PDE11A: variants seen among roughly 807,000 people sequenced by gnomAD.
PDE11A encodes the protein dual 3',5'-cyclic-AMP and -GMP phosphodiesterase 11A.
A neutral mutation model predicts 100.5 loss-of-function variants in PDE11A; 100 were observed. That is an observed-to-expected ratio of 1.00 (90% CI 0.85 to 1.18). The LOEUF (loss-of-function observed/expected upper bound fraction) is 1.18, where lower values mean the gene tolerates loss of function less well. Ranked by LOEUF, PDE11A falls within the 50% of genes most tolerant of loss-of-function variation. The pLI is 0.00. For missense variants in PDE11A, 1,141 were observed against 1,152.6 expected (o/e 0.99, Z 0.15); for synonymous variants, 381 against 420.8 (o/e 0.91, Z 1.16).
At chr2:178,095,000 C>T (rs1003546685) in intron 2 of PDE11A, among the ~76,000 whole-genome samples, 2 of 152,146 alleles carry the variant, frequency 1.3e-5, no homozygotes, top group South Asian at 2.1e-4. Context: ...GATTGCAATT[C>T]GAGATGAGAT....
At chr2:177,931,044 T>C (rs2085198833) in intron 2 of PDE11A, among the ~76,000 whole-genome samples, 1 of 152,194 alleles carries the variant, frequency 6.6e-6, no homozygotes. Flanking sequence ...GAACATCTTT[T>C]TGTTATTTTT....
chr2:177,749,885 A>C (rs2082003629), intron 10 of PDE11A, among the ~76,000 whole-genome samples: 1 of 152,222 alleles, frequency 6.6e-6, no homozygotes. Context: ...GGAGTAAGTC[A>C]GATATTCAGG....
intron 9 of PDE11A, among the ~76,000 whole-genome samples, chr2:177,775,871 T>A (rs750096492): frequency 3.9e-5 from 6 of 152,208 alleles, no homozygotes; most frequent in African/African-American, 7.2e-5. Context: ...TTGCCTGTTA[T>A]CTTATTCATC....
intron 9 of PDE11A, among the ~76,000 whole-genome samples, chr2:177,804,335 AC>A (rs1423110019): frequency 9.9e-5 from 15 of 151,250 alleles, no homozygotes; most frequent in Non-Finnish European, 1.5e-4. Flanking sequence ...AAAATGTTTG[AC>A]ATCACTAATC....
intron 9 of PDE11A, among the ~76,000 whole-genome samples, chr2:177,791,160 G>A (rs1485821559): frequency 1.3e-5 from 2 of 151,966 alleles, no homozygotes; most frequent in African/African-American, 2.4e-5. Context: ...ATGATAGACT[G>A]GATTAAGAAA....
intron 2 of PDE11A, among the ~76,000 whole-genome samples, chr2:177,916,123 G>A (rs765296691): frequency 5.3e-5 from 8 of 151,930 alleles, no homozygotes; most frequent in East Asian, 1.9e-4. Flanking sequence ...CTTTTTCTAC[G>A]TTTCTGACAC....
intron 15 of PDE11A, among the ~76,000 whole-genome samples, chr2:177,696,024 T>C (rs1421699918): frequency 2.0e-5 from 3 of 152,006 alleles, no homozygotes; most frequent in Non-Finnish European, 2.9e-5. Flanking sequence ...TTACACAGGG[T>C]GTTCCAAAGG....
At chr2:177,882,163 C>T (rs1290175523) in intron 4 of PDE11A, among the ~76,000 whole-genome samples, 1 of 152,208 alleles carries the variant, frequency 6.6e-6, no homozygotes, top group African/African-American at 2.4e-5. Flanking sequence ...CACTTTCACG[C>T]TCACAAGTGT....
intron 10 of PDE11A, among the ~76,000 whole-genome samples, chr2:177,741,530 A>G (rs1287165651): frequency 6.6e-6 from 1 of 152,224 alleles, no homozygotes; most frequent in African/African-American, 2.4e-5. Context: ...ATATCTAGAA[A>G]TTCAAAATAA....
chr2:177,706,223 T>C (rs2081277685), intron 13 of PDE11A, among the ~76,000 whole-genome samples: 1 of 152,218 alleles, frequency 6.6e-6, no homozygotes, highest in Non-Finnish European at 1.5e-5. Context: ...ATATAGTAAT[T>C]TGTCCCTTGC....
At chr2:177,916,927 A>ATTTTTTTTTTTTTTT (rs1183483256) in intron 2 of PDE11A, among the ~76,000 whole-genome samples, 136 of 105,270 alleles carry the variant, frequency 1.3e-3, no homozygotes, top group African/African-American at 2.3e-3. Flanking sequence ...CGCCCGGCTA[A>ATTTTTTTTTTTTTTT]TTTTTTTTTT....
At chr2:177,895,032 T>C (rs1162280793) in intron 4 of PDE11A, among the ~76,000 whole-genome samples, 4 of 152,130 alleles carry the variant, frequency 2.6e-5, no homozygotes, top group Non-Finnish European at 5.9e-5. Flanking sequence ...CTGTTTGTAT[T>C]TTCCCTGGGC....
chr2:178,029,910 C>A lies in PDE11A; in HGVS notation c.913-15450G>T, dbSNP rs914449264. The stretch of plus-strand genomic sequence containing the variant: ...CAGAAGTGGGTCTGCCTCTCCCCAG[C>A]ACTCTTTGCCCTTTCACCATATGAT... On this transcript the variant is annotated intron_variant, in intron 1 of 19. Transcript: ENST00000286063. 1.7e-4 allele frequency among the ~76,000 whole-genome samples: 26 copies of A among 152,290 alleles called. No individual in the cohort carries two copies. The East Asian group carries it at 4.8e-3, about 28-fold the overall frequency.
At chr2:177,781,736 A>G (rs570367095) in intron 9 of PDE11A, among the ~76,000 whole-genome samples, 1 of 152,278 alleles carries the variant, frequency 6.6e-6, no homozygotes, top group South Asian at 2.1e-4. Flanking sequence ...TTCTGACCTC[A>G]GGTGATCTGC....
At chr2:177,838,188 C>T (rs1191264248) in intron 6 of PDE11A, among the ~76,000 whole-genome samples, 2 of 152,146 alleles carry the variant, frequency 1.3e-5, no homozygotes, top group Non-Finnish European at 2.9e-5. Context: ...CTCTCAAAAT[C>T]TGTTTTTGTC....
intron 1 of PDE11A, among the ~76,000 whole-genome samples, chr2:178,027,612 C>T (rs1162638226): frequency 6.6e-6 from 1 of 152,042 alleles, no homozygotes; most frequent in African/African-American, 2.4e-5. Flanking sequence ...TCCAAATGGC[C>T]CCGGCTGTTT....
intron 5 of PDE11A, 84 bp downstream of exon 5, chr2:177,875,775 C>T (rs763136848): frequency 1.0e-5 from 9 of 863,628 alleles, no homozygotes; most frequent in Non-Finnish European, 1.8e-5. Flanking sequence ...TAAAGAACTA[C>T]TACTATCTTC....
At chr2:178,057,922 A>T (rs908256624) in intron 1 of PDE11A, among the ~76,000 whole-genome samples, 2 of 152,018 alleles carry the variant, frequency 1.3e-5, no homozygotes, top group Non-Finnish European at 2.9e-5. Flanking sequence ...CAGAGGCGTG[A>T]TCTCGGCTCA....
At chr2:177,828,102 G>T (rs2083255127) in intron 6 of PDE11A, among the ~76,000 whole-genome samples, 1 of 152,028 alleles carries the variant, frequency 6.6e-6, no homozygotes, top group East Asian at 1.9e-4. Flanking sequence ...TAAGATTTTA[G>T]AATATCTTTA....
Sources: gnomAD v4.1 joint callset for allele counts (sites outside exome capture counted in the v4.1 genomes callset) on GRCh38, gnomAD v4.1.1 for gene constraint, MANE v1.5 for transcripts, NCBI Gene and HGNC (gene_info 2026-07-23, HGNC 2026-07-21) for gene names.